Variants in LTBP1 observed in about 807,000 individuals in gnomAD.
LTBP1 encodes the protein latent-transforming growth factor beta-binding protein 1.
Under a neutral mutation model 207.6 loss-of-function variants are expected in LTBP1, and 129 were observed. The observed-to-expected ratio is 0.62, with a 90% CI of 0.54 to 0.72. The LOEUF (loss-of-function observed/expected upper bound fraction) is 0.72, where lower values mean the gene tolerates loss of function less well. Ranked by LOEUF, LTBP1 falls within the 30% of genes least tolerant of loss-of-function variation. The pLI, the probability that LTBP1 is intolerant of heterozygous loss-of-function variation, is 0.00. For synonymous variants in LTBP1, 963 were observed against 833.7 expected (o/e 1.16, Z -2.67); for missense variants, 2,281 against 2,217.2 (o/e 1.03, Z -0.58).
intron 23 of LTBP1, among the ~76,000 whole-genome samples, chr2:33,313,418 G>C (rs567089564): frequency 6.6e-6 from 1 of 152,212 alleles, no homozygotes; most frequent in African/African-American, 2.4e-5. Flanking sequence ...GGAGATTCTG[G>C]CTGTAGGGAA....
intron 2 of LTBP1, among the ~76,000 whole-genome samples, chr2:32,958,933 A>G (rs1459915119): frequency 6.6e-6 from 1 of 152,204 alleles, no homozygotes; most frequent in Non-Finnish European, 1.5e-5. Flanking sequence ...CTTTCTGTTC[A>G]ACATCATCAT....
At chr2:33,068,648 G>A (rs911338046) in intron 3 of LTBP1, among the ~76,000 whole-genome samples, 3 of 151,952 alleles carry the variant, frequency 2.0e-5, no homozygotes, top group African/African-American at 7.3e-5. Flanking sequence ...TTATTATTTT[G>A]ATAATATTTG....
intron 24 of LTBP1, among the ~76,000 whole-genome samples, chr2:33,317,077 C>G (rs2094285218): frequency 6.6e-6 from 1 of 152,200 alleles, no homozygotes; most frequent in African/African-American, 2.4e-5. Flanking sequence ...TTTGCACTTA[C>G]TAATGATTTA....
At chr2:33,076,135 A>C (rs561484939) in intron 3 of LTBP1, among the ~76,000 whole-genome samples, 1 of 152,358 alleles carries the variant, frequency 6.6e-6, no homozygotes, top group African/African-American at 2.4e-5. Context: ...ATTGAGGTTT[A>C]TTGAGCAGGA....
At chr2:33,037,496 A>G (rs2075982066) in intron 3 of LTBP1, among the ~76,000 whole-genome samples, 1 of 152,086 alleles carries the variant, frequency 6.6e-6, no homozygotes, top group Non-Finnish European at 1.5e-5. Context: ...TCCTTAGTGT[A>G]TGTTGTCTTA....
rs1046756663 is a variant in LTBP1, at chr2:33,019,360, C to T, written c.566-1549C>T. On this transcript the variant is annotated intron_variant, in intron 2 of 33. Transcript: ENST00000404816. ...TTTTTTTTTTTTTTTTTTTTGAGAC[C>T]AAGTTTCCCTCTGTCATCCAGGCTG... is the stretch of plus-strand genomic sequence containing the variant. 9.3e-5 allele frequency among the ~76,000 whole-genome samples: 11 copies of T among 118,380 alleles called. No individual in the cohort carries two copies. The East Asian group carries it at 2.9e-3, about 32-fold the overall frequency. The allele number at this position is 118,380 out of a possible 152,430, so 77.7% of individuals were successfully genotyped here.
chr2:33,180,392 T>C (rs938839603), intron 5 of LTBP1, among the ~76,000 whole-genome samples: 1 of 152,076 alleles, frequency 6.6e-6, no homozygotes, highest in African/African-American at 2.4e-5. Flanking sequence ...TTTTTTCCCC[T>C]TGGTGATGCA....
chr2:33,016,082 T>G (rs1688335820), intron 2 of LTBP1, among the ~76,000 whole-genome samples: 1 of 152,162 alleles, frequency 6.6e-6, no homozygotes, highest in South Asian at 2.1e-4. Flanking sequence ...TGGGAGAGAC[T>G]TCATACAGAA....
At chr2:33,250,951 C>G (rs1489525584) in intron 10 of LTBP1, among the ~76,000 whole-genome samples, 2 of 152,196 alleles carry the variant, frequency 1.3e-5, no homozygotes, top group Admixed American at 1.3e-4. Flanking sequence ...GCTGCCATCA[C>G]CTATGCTACA....
chr2:33,300,877 T>G (rs895225016), intron 21 of LTBP1, among the ~76,000 whole-genome samples: 1 of 152,210 alleles, frequency 6.6e-6, no homozygotes, highest in Non-Finnish European at 1.5e-5. Context: ...GTAAATTAAT[T>G]TAAAGTTTTT....
chr2:33,359,456 A>G (rs972385534), intron 26 of LTBP1, among the ~76,000 whole-genome samples: 3 of 152,224 alleles, frequency 2.0e-5, no homozygotes, highest in Admixed American at 2.0e-4. Context: ...TTCCTTGCTA[A>G]TATAATTATC....
At chr2:33,312,612 C>T (rs1164404120) in intron 23 of LTBP1, among the ~76,000 whole-genome samples, 1 of 151,990 alleles carries the variant, frequency 6.6e-6, no homozygotes, top group Admixed American at 6.6e-5. Context: ...TCAATAAGTA[C>T]AATCCAAATT....
intron 24 of LTBP1, among the ~76,000 whole-genome samples, chr2:33,319,665 G>T (rs527672319): frequency 3.6e-4 from 55 of 152,196 alleles, no homozygotes; most frequent in African/African-American, 1.3e-3. Flanking sequence ...GCTGAGCAAG[G>T]GCTTGTGTGA....
At chr2:33,176,861 A>C (rs2086114208) in intron 5 of LTBP1, among the ~76,000 whole-genome samples, 1 of 151,990 alleles carries the variant, frequency 6.6e-6, no homozygotes, top group South Asian at 2.1e-4. Context: ...TCCCTTTTAT[A>C]TGTTCTTCTC....
intron 2 of LTBP1, among the ~76,000 whole-genome samples, chr2:32,998,388 C>G (rs1011274185): frequency 6.6e-6 from 1 of 151,416 alleles, no homozygotes; most frequent in Non-Finnish European, 1.5e-5. Context: ...TGGTGGCAGG[C>G]GCCTGTAATC....
chr2:32,996,583 A>G (rs1473224604), intron 2 of LTBP1, among the ~76,000 whole-genome samples: 1 of 152,154 alleles, frequency 6.6e-6, no homozygotes, highest in Non-Finnish European at 1.5e-5. Flanking sequence ...ACTATGTACA[A>G]AGTAGAGTGG....
In LTBP1 at chr2:33,021,203, C is replaced by A. The variant is rs750222012; in HGVS notation, c.860C>A (p.Ser287Tyr). The change falls in exon 3 of 34, where the codon TCT becomes TAT. Residue 287 changes from serine (S) to tyrosine (Y), a missense_variant. Transcript: ENST00000404816. ...PSVGLPQQIHSQVTPLSSQSV... is the reference protein window; with the variant it reads ...PSVGLPQQIHYQVTPLSSQSV... ...GTGGGACTCCCCCAGCAGATACATT[C>A]TCAGTGAGTGTTTCGAACTTTCATT... 1 of 1,585,258 alleles carries A rather than the reference C, an allele frequency of 6.3e-7. No homozygotes were observed. Among genetic ancestry groups the A allele is most frequent in the East Asian group, 2.3e-5 (1 of 44,306 alleles).
rs376638313 is a variant in LTBP1, at chr2:33,360,766, G to T, written c.4170G>T (p.Pro1390=). The change falls in exon 27 of 34, where the codon CCG becomes CCT. Residue 1390 remains proline (P), a synonymous_variant. Transcript: ENST00000404816. ...WGDNCEIFPC[P]VLGTAEFTEM... is the part of the protein sequence containing the mutation. ...ATAACTGCGAAATCTTCCCCTGCCC[G>T]GTCTTGGGAACTGGTAAGAATCCGC... is the stretch of plus-strand genomic sequence containing the variant. 2 of 1,613,812 alleles carry T rather than the reference G, an allele frequency of 1.2e-6. No homozygotes were observed. The highest frequency in any genetic ancestry group is 2.2e-5 in the East Asian group (1 of 44,886).
At chr2:33,173,070 C>T (rs2085629317) in intron 5 of LTBP1, among the ~76,000 whole-genome samples, 1 of 152,152 alleles carries the variant, frequency 6.6e-6, no homozygotes, top group African/African-American at 2.4e-5. Flanking sequence ...CCAAAATTGA[C>T]ACCCTAATAT....
Sources: gnomAD v4.1 joint callset for allele counts (sites outside exome capture counted in the v4.1 genomes callset) on GRCh38, gnomAD v4.1.1 for gene constraint, MANE v1.5 for transcripts, NCBI Gene and HGNC (gene_info 2026-07-23, HGNC 2026-07-21) for gene names.